The following RBPJ variants were observed in gnomAD, a reference collection of about 807,000 sequenced individuals.
RBPJ encodes recombination signal binding protein for immunoglobulin kappa J region.
Under a neutral mutation model 67.8 loss-of-function variants are expected in RBPJ, and 9 were observed. The observed-to-expected ratio is 0.13, with a 90% CI of 0.08 to 0.23. RBPJ has a LOEUF of 0.23. Ranked by LOEUF, RBPJ falls within the 10% of genes least tolerant of loss-of-function variation. The pLI is 1.00. For missense variants in RBPJ, 305 were observed against 595.6 expected (o/e 0.51, Z 5.08); for synonymous variants, 198 against 203.3 (o/e 0.97, Z 0.22).
upstream of RBPJ, among the ~76,000 whole-genome samples, chr4:26,315,359 G>A (rs1722578119): frequency 6.6e-6 from 1 of 151,192 alleles, no homozygotes; most frequent in African/African-American, 2.4e-5. Context: ...CATATTGGTA[G>A]GTCTGTGATG....
At chr4:26,236,401 TCA>T (rs1719453365) in intron 1 of RBPJ, among the ~76,000 whole-genome samples, 1 of 152,164 alleles carries the variant, frequency 6.6e-6, no homozygotes, top group African/African-American at 2.4e-5. Context: ...CAGGAGTGCC[TCA>T]GGTTGGGTAG....
intron 3 of RBPJ, among the ~76,000 whole-genome samples, chr4:26,406,751 T>C (rs997387353): frequency 1.4e-4 from 22 of 152,136 alleles, no homozygotes; most frequent in Non-Finnish European, 4.4e-5. Flanking sequence ...AGAGAGGAAG[T>C]TGCTTACAAA....
At chr4:26,134,602 C>T in the RBPJ span, among the ~76,000 whole-genome samples, 3 of 152,332 alleles carry the variant, frequency 2.0e-5, no homozygotes, top group South Asian at 2.1e-4. Flanking sequence ...TGCAACTTCC[C>T]AGTGCTTCCC....
rs954571774 is a variant in RBPJ at position 26,265,908 on chromosome 4, A to T, written c.-166-96538A>T. The stretch of plus-strand genomic sequence containing the variant: ...AAAAATTAGCCGGGCCTGGTGGCAC[A>T]TGCCTGTAGTCCCAGCTACTCAGGA... On this transcript the variant is annotated intron_variant, in intron 1 of 4. Coordinates refer to the RBPJ transcript ENST00000512351. 2.0e-5 allele frequency among the ~76,000 whole-genome samples: 3 copies of T among 151,802 alleles called. No individual in the cohort carries two copies. The East Asian group carries it at 5.8e-4, about 29-fold the overall frequency.
At chr4:26,129,041 G>A in the RBPJ span, among the ~76,000 whole-genome samples, 1 of 152,204 alleles carries the variant, frequency 6.6e-6, no homozygotes, top group Non-Finnish European at 1.5e-5. Context: ...GCAGATGAAA[G>A]TAGACTAATA....
intron 1 of RBPJ, among the ~76,000 whole-genome samples, chr4:26,366,749 A>G (rs918613022): frequency 3.3e-5 from 5 of 152,128 alleles, no homozygotes; most frequent in South Asian, 2.1e-4. Context: ...AGGTTCATAC[A>G]TAGGAAATTT....
At position 26,291,462 on chromosome 4, in the gene RBPJ, T is replaced by C. The variant is rs553363733; in HGVS notation, c.-166-70984T>C. 3.3e-5 allele frequency among the ~76,000 whole-genome samples: 5 copies of C among 151,008 alleles called. 1 individual carries two copies. Among genetic ancestry groups the C allele is most frequent in the Admixed American group, 2.6e-4 (4 of 15,132 alleles). On this transcript the variant is annotated intron_variant, in intron 1 of 4. Coordinates refer to the RBPJ transcript ENST00000512351. ...AAGGGCAGAAAATCAAGACATCAAATTGTCATGTGGGAAATCTATTCTGGG... is the reference window on the plus strand; with the variant it reads ...AAGGGCAGAAAATCAAGACATCAAACTGTCATGTGGGAAATCTATTCTGGG...
At chr4:26,255,879 A>C (rs2109244115) in intron 1 of RBPJ, among the ~76,000 whole-genome samples, 1 of 147,548 alleles carries the variant, frequency 6.8e-6, no homozygotes, top group Middle Eastern at 3.4e-3. Context: ...GAAATGGAGA[A>C]ACCTCTGGCA....
chr4:26,316,615 G>A (rs1722644370), upstream of RBPJ, among the ~76,000 whole-genome samples: 14 of 129,436 alleles, frequency 1.1e-4, no homozygotes, highest in African/African-American at 3.8e-4. Flanking sequence ...TACACATATT[G>A]ATATATATAT....
chr4:26,132,563 G>A, the RBPJ span, among the ~76,000 whole-genome samples: 12 of 152,162 alleles, frequency 7.9e-5, no homozygotes, highest in East Asian at 2.3e-3. Flanking sequence ...GAGCCACTGG[G>A]ACCACCTGCC....
At chr4:26,152,908 CA>C in the RBPJ span, among the ~76,000 whole-genome samples, 1 of 152,154 alleles carries the variant, frequency 6.6e-6, no homozygotes, top group Non-Finnish European at 1.5e-5. Context: ...TGGGAGTGGG[CA>C]AAAGAGGTAG....
At chr4:26,275,475 C>T (rs568597529) in intron 1 of RBPJ, among the ~76,000 whole-genome samples, 12 of 152,094 alleles carry the variant, frequency 7.9e-5, no homozygotes, top group Non-Finnish European at 1.6e-4. Context: ...TTACTAACAC[C>T]GGAAAAAGAA....
chr4:26,111,561 G>A, the RBPJ span, among the ~76,000 whole-genome samples: 1 of 152,108 alleles, frequency 6.6e-6, no homozygotes, highest in Non-Finnish European at 1.5e-5. Flanking sequence ...AAAACTCTAC[G>A]ATATGCATGT....
At chr4:26,352,371 T>A (rs995836539) in intron 1 of RBPJ, among the ~76,000 whole-genome samples, 5 of 152,224 alleles carry the variant, frequency 3.3e-5, no homozygotes, top group African/African-American at 1.2e-4. Context: ...ATCCCATTCA[T>A]GAGAGCTGTG....
At chr4:26,196,844 A>G (rs1315357173) in intron 1 of RBPJ, among the ~76,000 whole-genome samples, 1 of 152,180 alleles carries the variant, frequency 6.6e-6, no homozygotes, top group African/African-American at 2.4e-5. Flanking sequence ...CAAATCTGCC[A>G]TGCTGGAGAG....
chr4:26,319,696 A>C (rs1560261267), upstream of RBPJ: 8 of 692,132 alleles, frequency 1.2e-5, no homozygotes, highest in Non-Finnish European at 1.9e-5. Flanking sequence ...GTAGCGTGAG[A>C]CTGGACTGCC....
At chr4:26,115,282 C>T in the RBPJ span, among the ~76,000 whole-genome samples, 1 of 152,212 alleles carries the variant, frequency 6.6e-6, no homozygotes, top group South Asian at 2.1e-4. Flanking sequence ...GCTGAACTGC[C>T]TCTCCAATAA....
chr4:26,136,116 C>T, the RBPJ span, among the ~76,000 whole-genome samples: 66 of 152,278 alleles, frequency 4.3e-4, no homozygotes, highest in African/African-American at 1.5e-3. Context: ...TATTCGCTAC[C>T]ACAAGGACAG....
In RBPJ at chr4:26,244,240, T is replaced by TGTATACAC. The variant is rs1719770056; in HGVS notation, c.-167+80626_-167+80627insGTATACAC. Among the ~76,000 whole-genome samples, 3 of 105,440 alleles carry TGTATACAC rather than the reference T, an allele frequency of 2.8e-5. No individual in the cohort carries two copies. The South Asian group carries it at 9.2e-4, about 32-fold the overall frequency. The allele number at this position is 105,440 out of a possible 152,430, so 69.2% of individuals were successfully genotyped here. A position where few individuals can be genotyped will look rare whatever the true frequency, so the allele number is the denominator to read the frequency against. On this transcript the variant is annotated intron_variant, in intron 1 of 4. Coordinates refer to the RBPJ transcript ENST00000512351. ...ATATGTGTACACATATATGTGTCTA[T>TGTATACAC]ATATGTGTACACATACACATATGTG... is the stretch of plus-strand genomic sequence containing the variant.
Sources: gnomAD v4.1 joint callset for allele counts (sites outside exome capture counted in the v4.1 genomes callset) on GRCh38, gnomAD v4.1.1 for gene constraint, MANE v1.5 for transcripts, NCBI Gene and HGNC (gene_info 2026-07-23, HGNC 2026-07-21) for gene names.